The following RERE variants were observed in gnomAD, a reference collection of about 807,000 sequenced individuals.
RERE encodes the protein arginine-glutamic acid dipeptide repeats.
A neutral mutation model predicts 146.1 loss-of-function variants in RERE; 40 were observed. That is an observed-to-expected ratio of 0.27 (90% CI 0.21 to 0.36). RERE has a LOEUF of 0.36. RERE is among the 10% of genes least tolerant of loss of function. The probability of loss-of-function intolerance (pLI) is 1.00; values close to 1 mark genes in which losing one functional copy is unlikely to be tolerated. For missense variants in RERE, 1,933 were observed against 2,138.7 expected (o/e 0.90, Z 1.90); for synonymous variants, 1,003 against 866.0 (o/e 1.16, Z -2.78).
chr1:8,471,155 T>C (rs1644679103), intron 10 of RERE, among the ~76,000 whole-genome samples: 1 of 152,078 alleles, frequency 6.6e-6, no homozygotes, highest in Non-Finnish European at 1.5e-5. Context: ...CTAGAAGTTG[T>C]TATGGACTAC....
At chr1:8,474,699 A>G (rs1352328907) in intron 10 of RERE, among the ~76,000 whole-genome samples, 1 of 152,184 alleles carries the variant, frequency 6.6e-6, no homozygotes, top group African/African-American at 2.4e-5. Context: ...ATTGTTCTTC[A>G]ATTGTAATTT....
At chr1:8,708,533 G>T (rs942820067) in intron 1 of RERE, among the ~76,000 whole-genome samples, 3 of 152,024 alleles carry the variant, frequency 2.0e-5, no homozygotes, top group African/African-American at 7.3e-5. Context: ...CACCATGTTG[G>T]CCAGCTGGTC....
chr1:8,489,240 G>A (rs1644944193), intron 10 of RERE, among the ~76,000 whole-genome samples: 1 of 151,876 alleles, frequency 6.6e-6, no homozygotes, highest in South Asian at 2.1e-4. Context: ...GTAGCCTGTA[G>A]TCCCAGGTAC....
intron 10 of RERE, among the ~76,000 whole-genome samples, chr1:8,492,102 T>C (rs1644986537): frequency 6.6e-6 from 1 of 152,180 alleles, no homozygotes; most frequent in Non-Finnish European, 1.5e-5. Context: ...AACTTTTCAA[T>C]TCATCACAAA....
At chr1:8,747,465 AT>A (rs200942857) in intron 1 of RERE, among the ~76,000 whole-genome samples, 161 of 148,358 alleles carry the variant, frequency 1.1e-3, no homozygotes, top group African/African-American at 2.3e-3. Flanking sequence ...GTTTTGTCCA[AT>A]TTTTTTTTTT....
chr1:8,746,737 C>G (rs1314713188), intron 1 of RERE, among the ~76,000 whole-genome samples: 1 of 150,256 alleles, frequency 6.7e-6, no homozygotes, highest in African/African-American at 2.5e-5. Flanking sequence ...TAAGAGGACA[C>G]CTGGCAGATA....
chr1:8,704,325 A>T (rs1639517482), intron 1 of RERE, among the ~76,000 whole-genome samples: 1 of 152,218 alleles, frequency 6.6e-6, no homozygotes, highest in East Asian at 1.9e-4. Context: ...GAATTTTTTA[A>T]ATGTATTCCT....
chr1:8,653,371 G>A (rs1198835478), intron 2 of RERE, among the ~76,000 whole-genome samples: 1 of 152,174 alleles, frequency 6.6e-6, no homozygotes, highest in East Asian at 1.9e-4. Context: ...TAATAAAAAA[G>A]TAAATCTTTC....
intron 4 of RERE, among the ~76,000 whole-genome samples, chr1:8,564,735 C>T (rs947076006): frequency 1.3e-5 from 2 of 151,870 alleles, no homozygotes; most frequent in African/African-American, 2.4e-5. Context: ...CAGTACTATT[C>T]ACAATAAACA....
chr1:8,440,070 C>T (rs1168812017), intron 11 of RERE, among the ~76,000 whole-genome samples: 1 of 152,118 alleles, frequency 6.6e-6, no homozygotes, highest in Non-Finnish European at 1.5e-5. Context: ...GTGAAACTCC[C>T]TCTCAAACAA....
rs138783622 is a variant in RERE at position 8,537,073 on chromosome 1, G to A, written c.830+4141C>T. Among the ~76,000 whole-genome samples, 1,374 of 152,142 alleles carry A rather than the reference G, an allele frequency of 9.0e-3. 74 individuals carry two copies. Among genetic ancestry groups the A allele is most frequent in the Admixed American group, 0.082 (1,249 of 15,274 alleles). ...TAAAAAATGAGCCAGGGATGATGGC[G>A]CACACCTGCAGTCCCAGCTACTTGG... On this transcript the variant is annotated intron_variant, in intron 7 of 22. Transcript: ENST00000400908.
chr1:8,385,433 A>ACT (rs1642602870), intron 12 of RERE, among the ~76,000 whole-genome samples: 1 of 152,172 alleles, frequency 6.6e-6, no homozygotes, highest in Non-Finnish European at 1.5e-5. Flanking sequence ...GATCCAAGGG[A>ACT]GACCCTGGAT....
chr1:8,771,797 C>G (rs770037783), intron 1 of RERE, among the ~76,000 whole-genome samples: 1 of 148,334 alleles, frequency 6.7e-6, no homozygotes, highest in Non-Finnish European at 1.5e-5. Context: ...GTAGTCCCAG[C>G]TACTCGGGAG....
chr1:8,460,344 GTAA>G (rs1644510777), intron 11 of RERE, among the ~76,000 whole-genome samples: 1 of 152,208 alleles, frequency 6.6e-6, no homozygotes, highest in South Asian at 2.1e-4. Flanking sequence ...TGTATTCTGT[GTAA>G]GTAATTCCTT....
Position 8,423,028 on chromosome 1 carries a change from G to A in RERE, c.1204-221C>T. 2 of 518,744 alleles carry A rather than the reference G, an allele frequency of 3.9e-6. No homozygotes were observed. The highest frequency in any genetic ancestry group is 7.0e-6 in the Non-Finnish European group (2 of 285,080). The allele number at this position is 518,744 out of a possible 1,614,324, so 32.1% of individuals were successfully genotyped here. A position where few individuals can be genotyped will look rare whatever the true frequency, so the allele number is the denominator to read the frequency against. On this transcript the variant is annotated intron_variant, in intron 11 of 22. Transcript: ENST00000400908. The surrounding 1 kb of genome is among the most constrained non-coding windows in gnomAD (Gnocchi z 5.4). ...GAACCCCAATCCCACCCACCACGCA[G>A]GGCAGCGCGTTTAAGAGAAGGACGT...
chr1:8,611,127 G>T (rs192212926), intron 4 of RERE, among the ~76,000 whole-genome samples: 1 of 152,020 alleles, frequency 6.6e-6, no homozygotes, highest in Non-Finnish European at 1.5e-5. Context: ...CCCGGGAGGC[G>T]GAGGTTGCAG....
intron 10 of RERE, among the ~76,000 whole-genome samples, chr1:8,471,688 A>AT (rs1241838581): frequency 2.0e-5 from 3 of 151,126 alleles, no homozygotes; most frequent in Non-Finnish European, 3.0e-5. Flanking sequence ...AATTTTTTTT[A>AT]TTTTTTGTAG....
chr1:8,678,886 T>C (rs1638903912), intron 1 of RERE, among the ~76,000 whole-genome samples: 1 of 152,206 alleles, frequency 6.6e-6, no homozygotes, highest in Non-Finnish European at 1.5e-5. Flanking sequence ...TACAGCCATA[T>C]GACCCACTTA....
intron 10 of RERE, among the ~76,000 whole-genome samples, chr1:8,494,057 G>A (rs1645012454): frequency 6.6e-6 from 1 of 152,200 alleles, no homozygotes; most frequent in Admixed American, 6.5e-5. Flanking sequence ...TTGCAGCAGT[G>A]TGTTGTTATC....
Sources: gnomAD v4.1 joint callset for allele counts (sites outside exome capture counted in the v4.1 genomes callset) on GRCh38, gnomAD v4.1.1 for gene constraint, Gnocchi (gnomAD v3.1) non-coding constraint, MANE v1.5 for transcripts, NCBI Gene and HGNC (gene_info 2026-07-23, HGNC 2026-07-21) for gene names.